Variants in ADGRB3 observed in about 807,000 individuals in gnomAD.
ADGRB3 encodes brain-specific angiogenesis inhibitor 3.
Under a neutral mutation model 193.4 loss-of-function variants are expected in ADGRB3, and 37 were observed. The ratio of observed to expected loss-of-function variants is 0.19; its 90% confidence interval spans 0.15 to 0.25. The LOEUF is 0.25. Among genes scored for constraint, ADGRB3 ranks in the 10% least tolerant of loss-of-function variants. The probability of loss-of-function intolerance (pLI) is 1.00; values close to 1 mark genes in which losing one functional copy is unlikely to be tolerated. For missense variants in ADGRB3, 1,637 were observed against 1,852.9 expected (o/e 0.88, Z 2.14); for synonymous variants, 690 against 644.2 (o/e 1.07, Z -1.08).
At chr6:69,007,778 ACTGT>A (rs1202539859) in intron 11 of ADGRB3, among the ~76,000 whole-genome samples, 1 of 149,622 alleles carries the variant, frequency 6.7e-6, no homozygotes, top group Non-Finnish European at 1.5e-5. Context: ...TTTTCGTGTC[ACTGT>A]CTCAGTCCAT....
intron 11 of ADGRB3, among the ~76,000 whole-genome samples, chr6:69,013,474 A>G (rs1025416302): frequency 6.6e-6 from 1 of 152,098 alleles, no homozygotes; most frequent in Non-Finnish European, 1.5e-5. Context: ...TGCTCTTAGC[A>G]TGTGTGATAT....
chr6:68,665,575 A>G (rs1768780058), intron 3 of ADGRB3, among the ~76,000 whole-genome samples: 1 of 151,852 alleles, frequency 6.6e-6, no homozygotes, highest in African/African-American at 2.4e-5. Context: ...TGACCAACAT[A>G]TGCAAAGTGT....
intron 20 of ADGRB3, among the ~76,000 whole-genome samples, chr6:69,272,581 T>C (rs1212798460): frequency 2.6e-5 from 4 of 152,134 alleles, no homozygotes; most frequent in Non-Finnish European, 4.4e-5. Context: ...TGGATTGAGA[T>C]GGGCCTTAAA....
chr6:69,062,421 A>C (rs1007904042), intron 15 of ADGRB3, among the ~76,000 whole-genome samples: 4 of 151,992 alleles, frequency 2.6e-5, no homozygotes, highest in Admixed American at 2.6e-4. Flanking sequence ...ATTATGGTCA[A>C]TAATTAGCAA....
intron 5 of ADGRB3, 36 bp downstream of exon 5, chr6:68,936,716 T>C (rs781677853): frequency 1.3e-6 from 2 of 1,590,690 alleles, no homozygotes; most frequent in Non-Finnish European, 1.7e-6. Context: ...TGGATGTTAT[T>C]GAATTGTGTC....
intron 3 of ADGRB3, among the ~76,000 whole-genome samples, chr6:68,843,974 G>A (rs1768220700): frequency 6.6e-6 from 1 of 152,106 alleles, no homozygotes; most frequent in African/African-American, 2.4e-5. Context: ...TCCATAGGCA[G>A]AAGAATAAAA....
At chr6:68,990,325 A>G (rs1769200148) in intron 10 of ADGRB3, among the ~76,000 whole-genome samples, 1 of 152,168 alleles carries the variant, frequency 6.6e-6, no homozygotes. Flanking sequence ...TTATTCAAAC[A>G]TTCTTTATAC....
chr6:69,098,740 A>G (rs551422463), intron 17 of ADGRB3, among the ~76,000 whole-genome samples: 1 of 152,302 alleles, frequency 6.6e-6, no homozygotes, highest in East Asian at 1.9e-4. Context: ...TGCTTATTTT[A>G]CTTAAAGAAT....
At chr6:69,064,537 C>A (rs1452606862) in intron 16 of ADGRB3, among the ~76,000 whole-genome samples, 1 of 151,968 alleles carries the variant, frequency 6.6e-6, no homozygotes, top group Non-Finnish European at 1.5e-5. Flanking sequence ...TTTTTAACTT[C>A]TGAACATTTG....
chr6:68,761,875 CAAGTTT>C (rs1357378515), intron 3 of ADGRB3, among the ~76,000 whole-genome samples: 3 of 152,044 alleles, frequency 2.0e-5, no homozygotes, highest in African/African-American at 7.2e-5. Flanking sequence ...ATGTCAAGTT[CAAGTTT>C]AACTGAGAAG....
At position 69,127,681 on chromosome 6, in the gene ADGRB3, T is replaced by C. The variant is rs184741099; in HGVS notation, c.2480+51643T>C. Among the ~76,000 whole-genome samples, 26 of 152,336 alleles carry C rather than the reference T, an allele frequency of 1.7e-4. No individual in the cohort carries two copies. In the East Asian group the frequency reaches 4.4e-3, roughly 26 times the overall value. On this transcript the variant is annotated intron_variant, in intron 17 of 31. Transcript: ENST00000370598. ...AATTATCTTTCCCTCCTTGCCTTTT[T>C]TGCACCACAAAAATCCAGGTTTATT...
intron 3 of ADGRB3, among the ~76,000 whole-genome samples, chr6:68,897,503 A>AG (rs1766257512): frequency 2.8e-5 from 2 of 72,152 alleles, no homozygotes; most frequent in Non-Finnish European, 5.9e-5. Context: ...GGGAGGGAAG[A>AG]GGAAGGAAGG....
intron 5 of ADGRB3, among the ~76,000 whole-genome samples, chr6:68,942,457 A>G (rs1287280613): frequency 6.6e-6 from 1 of 152,190 alleles, no homozygotes; most frequent in Non-Finnish European, 1.5e-5. Context: ...CTAGAGGTCC[A>G]ACATCAAGAC....
intron 17 of ADGRB3, among the ~76,000 whole-genome samples, chr6:69,208,026 G>T (rs558109820): frequency 6.6e-6 from 1 of 152,210 alleles, no homozygotes; most frequent in Non-Finnish European, 1.5e-5. Flanking sequence ...AGGGCTCGGC[G>T]TTGGTCTCTG....
At chr6:68,897,491 G>A (rs1401679982) in intron 3 of ADGRB3, among the ~76,000 whole-genome samples, 9 of 99,448 alleles carry the variant, frequency 9.0e-5, no homozygotes, top group South Asian at 4.0e-4. Context: ...TGGAGGAAGG[G>A]AGGGAGGGAA....
intron 20 of ADGRB3, among the ~76,000 whole-genome samples, chr6:69,319,661 C>T (rs1768402000): frequency 6.6e-6 from 1 of 151,182 alleles, no homozygotes; most frequent in African/African-American, 2.4e-5. Flanking sequence ...CTTCTTTGTG[C>T]CTTGCTCCTT....
intron 3 of ADGRB3, among the ~76,000 whole-genome samples, chr6:68,716,420 T>A (rs906216402): frequency 2.0e-5 from 3 of 151,770 alleles, no homozygotes; most frequent in South Asian, 4.2e-4. Context: ...ATATTAAAGT[T>A]CTCTTCAACT....
chr6:69,040,640 C>T (rs1299614389), intron 13 of ADGRB3, among the ~76,000 whole-genome samples: 1 of 123,322 alleles, frequency 8.1e-6, no homozygotes, highest in East Asian at 2.6e-4. Flanking sequence ...TGCCCCACTA[C>T]CCAGAGATGC....
At chr6:69,360,625 A>G (rs1465829256) in intron 28 of ADGRB3, among the ~76,000 whole-genome samples, 2 of 151,900 alleles carry the variant, frequency 1.3e-5, no homozygotes, top group Non-Finnish European at 2.9e-5. Context: ...CCATTAATCA[A>G]CTTTCAGATT....
Sources: allele counts gnomAD v4.1 joint callset (sites outside exome capture counted in the v4.1 genomes callset), GRCh38; gene constraint gnomAD v4.1.1; transcripts MANE v1.5; gene names NCBI Gene and HGNC (gene_info 2026-07-23, HGNC 2026-07-21).